DNAJC5B: variants seen among roughly 807,000 people sequenced by gnomAD.
The protein encoded by DNAJC5B is dnaJ homolog subfamily C member 5B.
DNAJC5B carries 23 observed loss-of-function variants against 24.7 expected under a neutral mutation model. The ratio of observed to expected loss-of-function variants is 0.93; its 90% CI spans 0.67 to 1.32. DNAJC5B has a LOEUF of 1.32. Among genes scored for constraint, DNAJC5B ranks in the 40% most tolerant of loss-of-function variants. The probability of loss-of-function intolerance (pLI) is 0.00; values close to 1 mark genes in which losing one functional copy is unlikely to be tolerated. For synonymous variants in DNAJC5B, 101 were observed against 90.1 expected, an observed-to-expected ratio of 1.12 and a Z score of -0.68; for missense variants, 238 against 240.8, an observed-to-expected ratio of 0.99 and a Z score of 0.08.
intron 1 of DNAJC5B, among the ~76,000 whole-genome samples, chr8:66,037,093 C>A (rs1316194338): frequency 6.6e-6 from 1 of 152,094 alleles, no homozygotes; most frequent in African/African-American, 2.4e-5. Context: ...TGAGGCCTGG[C>A]CCTGGGGGAA....
chr8:66,097,963 C>T lies in DNAJC5B; in HGVS notation c.506-1974C>T, dbSNP rs549840711. 2.6e-5 allele frequency among the ~76,000 whole-genome samples: 4 copies of T among 151,298 alleles called. No individual in the cohort carries two copies. The South Asian group carries it at 8.4e-4, about 32-fold the overall frequency. On this transcript the variant is annotated intron_variant, in intron 5 of 5. Coordinates refer to ENST00000276570, the MANE Select transcript of DNAJC5B (RefSeq NM_033105.6). ...CTCCTGGGTTCAAGCGATTCTCCTG[C>T]CCCAGCCTCCCAAATAGCTGGGCTT...
intron 3 of DNAJC5B, among the ~76,000 whole-genome samples, chr8:66,067,440 G>T (rs1015715278): frequency 1.3e-5 from 2 of 152,076 alleles, no homozygotes; most frequent in Admixed American, 6.6e-5. Flanking sequence ...ATCTTCTGTG[G>T]TTGACAATTA....
At chr8:66,052,532 G>A (rs1163168105) in intron 3 of DNAJC5B, among the ~76,000 whole-genome samples, 2 of 151,964 alleles carry the variant, frequency 1.3e-5, no homozygotes, top group African/African-American at 4.8e-5. Context: ...AAGTCAAAGG[G>A]GCAAATCCCC....
chr8:66,082,539 C>G (rs1017822828), intron 5 of DNAJC5B, among the ~76,000 whole-genome samples: 2 of 152,136 alleles, frequency 1.3e-5, no homozygotes, highest in African/African-American at 4.8e-5. Flanking sequence ...CTACATGTCT[C>G]TCACTGTTCT....
chr8:66,020,100 C>T (rs1021251763), upstream of DNAJC5B, among the ~76,000 whole-genome samples: 2 of 152,218 alleles, frequency 1.3e-5, no homozygotes, highest in African/African-American at 4.8e-5. Flanking sequence ...TCTCCCCAAC[C>T]AGCAAAGCCC....
At chr8:66,094,058 T>A (rs1005364871) in intron 5 of DNAJC5B, among the ~76,000 whole-genome samples, 4 of 152,164 alleles carry the variant, frequency 2.6e-5, no homozygotes, top group East Asian at 1.9e-4. Flanking sequence ...TCTTTTTTTT[T>A]ATGCAATACC....
intron 3 of DNAJC5B, among the ~76,000 whole-genome samples, chr8:66,072,422 A>G (rs562563675): frequency 1.3e-5 from 2 of 152,338 alleles, no homozygotes; most frequent in East Asian, 3.9e-4. Context: ...ATCAAAAACT[A>G]TAAAAACAAA....
At chr8:66,068,622 G>A (rs972678412) in intron 3 of DNAJC5B, among the ~76,000 whole-genome samples, 1 of 152,010 alleles carries the variant, frequency 6.6e-6, no homozygotes, top group Non-Finnish European at 1.5e-5. Flanking sequence ...TATTAAGTTA[G>A]ATATAAGCAA....
chr8:66,068,438 A>G (rs1048519120), intron 3 of DNAJC5B, among the ~76,000 whole-genome samples: 1 of 152,092 alleles, frequency 6.6e-6, no homozygotes, highest in Admixed American at 6.6e-5. Context: ...CAGGTTAGAG[A>G]GTTGACTAGA....
chr8:66,063,458 GATTA>G (rs1242793074), intron 3 of DNAJC5B, among the ~76,000 whole-genome samples: 1 of 152,208 alleles, frequency 6.6e-6, no homozygotes, highest in African/African-American at 2.4e-5. Context: ...AAGCTCACAA[GATTA>G]ATTGACATTA....
At chr8:66,033,411 C>T (rs1464138207) in intron 1 of DNAJC5B, among the ~76,000 whole-genome samples, 1 of 152,244 alleles carries the variant, frequency 6.6e-6, no homozygotes, top group Non-Finnish European at 1.5e-5. Context: ...ATATGACTCA[C>T]TTAGGACTCC....
chr8:66,097,695 T>G (rs1807984005), intron 5 of DNAJC5B, among the ~76,000 whole-genome samples: 1 of 152,150 alleles, frequency 6.6e-6, no homozygotes, highest in African/African-American at 2.4e-5. Flanking sequence ...GAAATGTAAC[T>G]TATTAAGAGG....
At position 66,084,022 on chromosome 8, in the gene DNAJC5B, T is replaced by C. The variant is rs189626156; in HGVS notation, c.505+3474T>C. On this transcript the variant is annotated intron_variant, in intron 5 of 5. Coordinates refer to ENST00000276570, the MANE Select transcript of DNAJC5B (RefSeq NM_033105.6). Reference sequence around the variant, plus strand: ...AGGTGAGGGTCCCTGAGCTGAAGTTTCATTAACTGTGCAGTAAATCCAGCA... The same window carrying C: ...AGGTGAGGGTCCCTGAGCTGAAGTTCCATTAACTGTGCAGTAAATCCAGCA... Among the ~76,000 whole-genome samples, 21 of 152,344 alleles carry C rather than the reference T, an allele frequency of 1.4e-4. No homozygotes were observed. In the East Asian group the frequency reaches 3.1e-3, roughly 22 times the overall value.
chr8:66,076,620 C>T (rs1272338853), intron 3 of DNAJC5B, 40 bp from the exon 4 acceptor site: 1 of 1,607,242 alleles, frequency 6.2e-7, no homozygotes, highest in Admixed American at 1.7e-5. Context: ...TCATTCTTGT[C>T]AAATAACACA....
At position 66,028,187 on chromosome 8, in the gene DNAJC5B, T is replaced by A. The variant is rs1017428629; in HGVS notation, c.-142+6482T>A. On this transcript the variant is annotated intron_variant, in intron 1 of 5. Transcript: ENST00000276570. ...GGAAGAGAAACAGACTATGACTGAT[T>A]GACACAAACTTAGGGAGAAAAACAA... Among the ~76,000 whole-genome samples the A allele has an allele frequency of 3.3e-5, 5 of 152,300 alleles. 1 individual carries two copies. In the South Asian group the frequency reaches 1.0e-3, roughly 32 times the overall value.
At chr8:66,033,143 T>G (rs1207956182) in intron 1 of DNAJC5B, among the ~76,000 whole-genome samples, 3 of 152,196 alleles carry the variant, frequency 2.0e-5, no homozygotes, top group Non-Finnish European at 2.9e-5. Context: ...TGGGGTGGGA[T>G]GGGCAGGTCA....
chr8:66,100,892 G>A lies in DNAJC5B; in HGVS notation c.*861G>A, dbSNP rs1006602426. Among the ~76,000 whole-genome samples, 3 of 152,092 alleles carry A rather than the reference G, an allele frequency of 2.0e-5. No homozygotes were observed. Among genetic ancestry groups the A allele is most frequent in the African/African-American group, 4.8e-5 (2 of 41,392 alleles). ...CATTTTTGTTAAAATTAGTTGCCTT[G>A]ACCAGAAATTGCTCAGCTCTGTGCA... is the stretch of plus-strand genomic sequence containing the variant. On this transcript the variant is annotated 3_prime_UTR_variant, in exon 6 of 6. Transcript: ENST00000276570.
chr8:66,096,656 T>C (rs373382208), intron 5 of DNAJC5B, among the ~76,000 whole-genome samples: 32 of 152,290 alleles, frequency 2.1e-4, no homozygotes, highest in African/African-American at 7.5e-4. Context: ...GTCTTATATC[T>C]TATTTTGTCC....
chr8:66,068,884 C>A (rs1243282773), intron 3 of DNAJC5B, among the ~76,000 whole-genome samples: 1 of 152,090 alleles, frequency 6.6e-6, no homozygotes, highest in African/African-American at 2.4e-5. Context: ...AGACTTACAG[C>A]TGATTTTCCA....
Sources: allele counts gnomAD v4.1 joint callset (sites outside exome capture counted in the v4.1 genomes callset), GRCh38; gene constraint gnomAD v4.1.1; transcripts MANE v1.5; gene names NCBI Gene and HGNC (gene_info 2026-07-23, HGNC 2026-07-21).